CDH12: variants seen among roughly 807,000 people sequenced by gnomAD.
The protein encoded by CDH12 is cadherin 12.
In CDH12, 41 loss-of-function variants were observed where a neutral mutation model predicts 74.1. That is an observed-to-expected ratio of 0.55 (90% CI 0.43 to 0.72). The LOEUF (loss-of-function observed/expected upper bound fraction) is 0.72. CDH12 is among the 30% of genes least tolerant of loss of function. The pLI, the probability that CDH12 is intolerant of heterozygous loss-of-function variation, is 0.00. For synonymous variants in CDH12, 399 were observed against 355.0 expected, an observed-to-expected ratio of 1.12 and a Z score of -1.39; for missense variants, 945 against 977.2, an observed-to-expected ratio of 0.97 and a Z score of 0.44.
intron 1 of CDH12, among the ~76,000 whole-genome samples, chr5:22,661,397 A>G (rs2126898331): frequency 6.6e-6 from 1 of 152,320 alleles, no homozygotes; most frequent in African/African-American, 2.4e-5. Context: ...TATTCTATTT[A>G]GCACTACTCC....
At chr5:22,800,986 G>T (rs868439128) in intron 1 of CDH12, among the ~76,000 whole-genome samples, 30 of 152,068 alleles carry the variant, frequency 2.0e-4, no homozygotes, top group South Asian at 8.3e-4. Context: ...CCATAATTAT[G>T]AATAGAGCCG....
chr5:22,619,272 G>A (rs576719248), intron 1 of CDH12, among the ~76,000 whole-genome samples: 2 of 152,068 alleles, frequency 1.3e-5, no homozygotes, highest in East Asian at 3.9e-4. Context: ...AGAAAACTCA[G>A]CATAATTATT....
chr5:22,193,481 T>C (rs1750422176), intron 4 of CDH12, among the ~76,000 whole-genome samples: 1 of 152,246 alleles, frequency 6.6e-6, no homozygotes, highest in African/African-American at 2.4e-5. Context: ...GGAGTACAGG[T>C]GAATTCATAT....
chr5:22,500,028 T>A (rs1291071640), intron 2 of CDH12, among the ~76,000 whole-genome samples: 1 of 152,122 alleles, frequency 6.6e-6, no homozygotes, highest in Non-Finnish European at 1.5e-5. Context: ...AATAACTGAT[T>A]TTTTTTATTT....
chr5:22,786,597 G>A (rs1262616737), intron 1 of CDH12, among the ~76,000 whole-genome samples: 2 of 152,112 alleles, frequency 1.3e-5, no homozygotes, highest in Non-Finnish European at 2.9e-5. Context: ...ATGTGTTATT[G>A]TATAGTGATG....
intron 3 of CDH12, among the ~76,000 whole-genome samples, chr5:22,312,431 A>G (rs1402688102): frequency 6.6e-6 from 1 of 152,102 alleles, no homozygotes; most frequent in East Asian, 1.9e-4. Context: ...TTTCTTTTAA[A>G]ATTTTCTAAA....
chr5:21,925,627 T>C (rs1045574082), intron 6 of CDH12, among the ~76,000 whole-genome samples: 1 of 152,206 alleles, frequency 6.6e-6, no homozygotes, highest in Non-Finnish European at 1.5e-5. Context: ...TTGTAACTAA[T>C]TTGGTTATTT....
chr5:21,817,744 G>T (rs896318638), intron 8 of CDH12, among the ~76,000 whole-genome samples: 7 of 151,836 alleles, frequency 4.6e-5, no homozygotes, highest in African/African-American at 1.7e-4. Context: ...ATTTTAACTT[G>T]TCACCTTTCT....
In CDH12 at chr5:22,229,446, C is replaced by CAA. The variant is rs71609756; in HGVS notation, c.-332-16805_-332-16804dup. On this transcript the variant is annotated intron_variant, in intron 3 of 14. Transcript: ENST00000382254. The stretch of plus-strand genomic sequence containing the variant: ...TGGGCGACAGAGCAAGACTCCGTCT[C>CAA]AAAAAAAAAAAAAAAAAGATTTTGA... Among the ~76,000 whole-genome samples, 274 of 100,732 alleles carry CAA rather than the reference C, an allele frequency of 2.7e-3. 1 individual carries two copies. The highest frequency in any genetic ancestry group is 6.4e-3 in the Admixed American group (58 of 9,058). The allele number at this position is 100,732 out of a possible 152,430, so 66.1% of individuals were successfully genotyped here. A position where few individuals can be genotyped will look rare whatever the true frequency, so the allele number is the denominator to read the frequency against.
chr5:22,670,920 C>A (rs1349256430), intron 1 of CDH12, among the ~76,000 whole-genome samples: 1 of 151,560 alleles, frequency 6.6e-6, no homozygotes, highest in Non-Finnish European at 1.5e-5. Context: ...TTCTGGTCAC[C>A]TTCCACTACA....
intron 1 of CDH12, among the ~76,000 whole-genome samples, chr5:22,714,272 C>T (rs888089838): frequency 6.6e-6 from 1 of 152,072 alleles, no homozygotes; most frequent in Non-Finnish European, 1.5e-5. Context: ...TGAACTTAAC[C>T]TTTTTTCATA....
chr5:21,780,821 T>C (rs1745865836), intron 11 of CDH12, among the ~76,000 whole-genome samples: 1 of 152,174 alleles, frequency 6.6e-6, no homozygotes, highest in African/African-American at 2.4e-5. Flanking sequence ...TTTAAAATTA[T>C]GATATATTTT....
Position 22,180,067 on chromosome 5 carries a change from AT to A in CDH12, c.-187+32430del, listed in dbSNP as rs529468332. Among the ~76,000 whole-genome samples the A allele has an allele frequency of 1.8e-3, 276 of 152,300 alleles. 3 individuals carry two copies. The highest frequency in any genetic ancestry group is 6.4e-3 in the African/African-American group (268 of 41,576). On this transcript the variant is annotated intron_variant, in intron 4 of 14. Transcript: ENST00000382254. ...ATGTTAAGGAGATTAGATCTCATTA[AT>A]TTCCCTCATTTATGAAGGAACTTGG...
chr5:22,051,086 C>T (rs1190548931), intron 5 of CDH12, among the ~76,000 whole-genome samples: 1 of 152,050 alleles, frequency 6.6e-6, no homozygotes, highest in Non-Finnish European at 1.5e-5. Context: ...AATTGTGATG[C>T]ATATTAAATA....
At chr5:22,368,224 A>T (rs1188305275) in intron 3 of CDH12, among the ~76,000 whole-genome samples, 9 of 152,126 alleles carry the variant, frequency 5.9e-5, no homozygotes, top group Non-Finnish European at 1.0e-4. Context: ...TATAATTTGC[A>T]GAGCTGAAGT....
intron 1 of CDH12, among the ~76,000 whole-genome samples, chr5:22,727,950 G>GT (rs1291191875): frequency 6.6e-6 from 1 of 151,392 alleles, no homozygotes; most frequent in Non-Finnish European, 1.5e-5. Flanking sequence ...AAGTTGTTGA[G>GT]TTTTTTCAAT....
At chr5:21,790,002 A>G (rs1344525122) in intron 10 of CDH12, among the ~76,000 whole-genome samples, 1 of 152,064 alleles carries the variant, frequency 6.6e-6, no homozygotes, top group Non-Finnish European at 1.5e-5. Context: ...AAGGGAACAT[A>G]TTTAGAGCTT....
intron 1 of CDH12, among the ~76,000 whole-genome samples, chr5:22,716,790 C>T (rs560502140): frequency 7.9e-5 from 12 of 151,610 alleles, no homozygotes; most frequent in Admixed American, 2.6e-4. Flanking sequence ...CCTAGGCTAA[C>T]ATGTCTGCTT....
intron 1 of CDH12, among the ~76,000 whole-genome samples, chr5:22,840,722 TAAGAA>T: frequency 6.6e-6 from 1 of 152,140 alleles, no homozygotes; most frequent in South Asian, 2.1e-4. Context: ...AAATGTAATA[TAAGAA>T]AATAAAAACG....
Sources: allele counts gnomAD v4.1 joint callset (sites outside exome capture counted in the v4.1 genomes callset), GRCh38; gene constraint gnomAD v4.1.1; transcripts MANE v1.5; gene names NCBI Gene and HGNC (gene_info 2026-07-23, HGNC 2026-07-21).